FHL5: variants seen among roughly 807,000 people sequenced by gnomAD.
FHL5 encodes four and a half LIM domains protein 5.
A neutral mutation model predicts 32.0 loss-of-function variants in FHL5; 33 were observed. The ratio of observed to expected loss-of-function variants is 1.03; its 90% CI spans 0.78 to 1.38. The LOEUF (loss-of-function observed/expected upper bound fraction) is 1.38, where lower values mean the gene tolerates loss of function less well. FHL5 is among the 40% of genes most tolerant of loss of function. FHL5 has a pLI of 0.00. For synonymous variants in FHL5, 114 were observed against 113.6 expected (o/e 1.00, Z -0.02); for missense variants, 336 against 343.9 (o/e 0.98, Z 0.18).
chr6:96,591,458 C>T (rs1279561931), intron 1 of FHL5, among the ~76,000 whole-genome samples: 1 of 151,968 alleles, frequency 6.6e-6, no homozygotes, highest in African/African-American at 2.4e-5. Context: ...TGTACTTTTG[C>T]CCAAAGAACA....
At position 96,590,342 on chromosome 6, in the gene FHL5, A is replaced by T. The variant is rs181555110; in HGVS notation, c.-12-13260A>T. On this transcript the variant is annotated intron_variant, in intron 1 of 5. Coordinates refer to ENST00000450218, the MANE Select transcript of FHL5 (RefSeq NM_001322466.2). ...TTCTTTCAAAGTCTTATAATTTTCT[A>T]TGTAGAGAGCTCATACATTCTTATT... Among the ~76,000 whole-genome samples the T allele has an allele frequency of 2.0e-5, 3 of 152,096 alleles. No individual in the cohort carries two copies. In the East Asian group the frequency reaches 5.8e-4, roughly 29 times the overall value.
chr6:96,610,797 G>A, intron 5 of FHL5, 39 bp downstream of exon 5: 17 of 1,414,572 alleles, frequency 1.2e-5, no homozygotes, highest in Non-Finnish European at 1.6e-5. Context: ...CCATGAGACA[G>A]TTATGACTTT....
intron 1 of FHL5, among the ~76,000 whole-genome samples, chr6:96,589,802 C>A (rs1770877936): frequency 6.6e-6 from 1 of 151,946 alleles, no homozygotes; most frequent in Admixed American, 6.6e-5. Flanking sequence ...TTGCTTTGTC[C>A]TAACACTGAG....
chr6:96,603,480 A>AT, intron 1 of FHL5, 122 bp from the exon 2 acceptor site: 1 of 701,220 alleles, frequency 1.4e-6, no homozygotes, highest in Non-Finnish European at 2.3e-6. Context: ...AAATTGGGGG[A>AT]TTTTTGCTTA....
intron 1 of FHL5, among the ~76,000 whole-genome samples, chr6:96,586,199 A>G (rs1486825436): frequency 3.3e-5 from 5 of 152,238 alleles, no homozygotes; most frequent in African/African-American, 9.6e-5. Context: ...TTTATTAAAA[A>G]TAATCCAAAT....
At chr6:96,572,143 T>G (rs763305254) in intron 1 of FHL5, among the ~76,000 whole-genome samples, 5 of 152,180 alleles carry the variant, frequency 3.3e-5, no homozygotes, top group Admixed American at 6.5e-5. Flanking sequence ...CAAGGGACAA[T>G]GTGCCACTTC....
intron 1 of FHL5, among the ~76,000 whole-genome samples, chr6:96,584,897 G>A (rs889270158): frequency 2.0e-5 from 3 of 152,158 alleles, no homozygotes; most frequent in Admixed American, 1.3e-4. Flanking sequence ...AAATGTGTGG[G>A]GAGTGTAGGG....
At chr6:96,596,839 G>C (rs1771045250) in intron 1 of FHL5, among the ~76,000 whole-genome samples, 1 of 151,770 alleles carries the variant, frequency 6.6e-6, no homozygotes, top group African/African-American at 2.4e-5. Flanking sequence ...AGTTAATCTT[G>C]TCTTCCAACT....
At chr6:96,570,425 T>C (rs991789028) in intron 1 of FHL5, among the ~76,000 whole-genome samples, 5 of 152,170 alleles carry the variant, frequency 3.3e-5, no homozygotes, top group African/African-American at 1.2e-4. Context: ...CTTGTGACAA[T>C]TTGCCTATAA....
At chr6:96,614,924 G>A (rs879641904) in intron 5 of FHL5, among the ~76,000 whole-genome samples, 4 of 152,184 alleles carry the variant, frequency 2.6e-5, no homozygotes, top group Admixed American at 2.6e-4. Context: ...ACGTGATAAC[G>A]TGGCTTCATT....
At chr6:96,609,906 T>C (rs1315983807) in intron 4 of FHL5, among the ~76,000 whole-genome samples, 2 of 152,160 alleles carry the variant, frequency 1.3e-5, no homozygotes, top group African/African-American at 2.4e-5. Context: ...GTCTGTAGTA[T>C]GTAGAGGTGT....
rs545841157 is a variant in FHL5, at chr6:96,589,155, T to C, written c.-12-14447T>C. ...TTTTGACATATCACATTTTCATATA[T>C]GCATAGATCTGATTTGATTCTCTCT... On this transcript the variant is annotated intron_variant, in intron 1 of 5. Coordinates refer to ENST00000450218, the MANE Select transcript of FHL5 (RefSeq NM_001322466.2). Among the ~76,000 whole-genome samples the C allele has an allele frequency of 4.6e-5, 7 of 152,234 alleles. No individual in the cohort carries two copies. The South Asian group carries it at 1.2e-3, about 27-fold the overall frequency.
At chr6:96,572,264 C>A (rs181275606) in intron 1 of FHL5, among the ~76,000 whole-genome samples, 1 of 152,240 alleles carries the variant, frequency 6.6e-6, no homozygotes, top group East Asian at 1.9e-4. Context: ...TCTGGATGGC[C>A]AAGGCACAAT....
intron 1 of FHL5, among the ~76,000 whole-genome samples, chr6:96,582,539 T>C (rs184970296): frequency 7.7e-4 from 118 of 152,266 alleles, no homozygotes; most frequent in Non-Finnish European, 5.7e-4. Context: ...TGAAGCACTT[T>C]TTTTTTTCTT....
At chr6:96,574,958 A>T (rs1473405215) in intron 1 of FHL5, among the ~76,000 whole-genome samples, 1 of 152,240 alleles carries the variant, frequency 6.6e-6, no homozygotes, top group Non-Finnish European at 1.5e-5. Context: ...TAAACTTTAA[A>T]GAGAAAATAG....
At chr6:96,609,000 C>A (rs1268591978) in intron 4 of FHL5, among the ~76,000 whole-genome samples, 4 of 152,168 alleles carry the variant, frequency 2.6e-5, no homozygotes, top group African/African-American at 9.7e-5. Context: ...TCTGCTGTGT[C>A]TGCTGTAAGG....
intron 1 of FHL5, among the ~76,000 whole-genome samples, chr6:96,590,725 T>A (rs1330402913): frequency 6.6e-6 from 1 of 152,108 alleles, no homozygotes; most frequent in African/African-American, 2.4e-5. Context: ...GTGTTCGCTA[T>A]AGGTTTTTTT....
intron 1 of FHL5, among the ~76,000 whole-genome samples, chr6:96,569,729 G>A (rs941735643): frequency 4.7e-5 from 7 of 148,398 alleles, no homozygotes; most frequent in African/African-American, 1.7e-4. Context: ...CTTGCTTTTG[G>A]TTTCCATTTG....
At chr6:96,590,394 TA>T (rs1295037021) in intron 1 of FHL5, among the ~76,000 whole-genome samples, 2 of 152,050 alleles carry the variant, frequency 1.3e-5, no homozygotes, top group Admixed American at 1.3e-4. Flanking sequence ...TTAAATATCA[TA>T]AATGATTTTT....
Sources: gnomAD v4.1 joint callset for allele counts (sites outside exome capture counted in the v4.1 genomes callset) on GRCh38, gnomAD v4.1.1 for gene constraint, MANE v1.5 for transcripts, NCBI Gene and HGNC (gene_info 2026-07-23, HGNC 2026-07-21) for gene names.